CEP97: variants seen among roughly 807,000 people sequenced by gnomAD.
CEP97 encodes centrosomal protein of 97 kDa.
Under a neutral mutation model 73.1 loss-of-function variants are expected in CEP97, and 43 were observed. The observed-to-expected ratio is 0.59, with a 90% CI of 0.46 to 0.76. CEP97 has a LOEUF of 0.76. Ranked by LOEUF, CEP97 falls within the 30% of genes least tolerant of loss-of-function variation. The pLI is 0.00. For missense variants in CEP97, 939 were observed against 1,014.0 expected, an observed-to-expected ratio of 0.93 and a Z score of 1.00; for synonymous variants, 337 against 370.0, an observed-to-expected ratio of 0.91 and a Z score of 1.02.
At chr3:101,749,340 C>T (rs1198488204) in intron 6 of CEP97, among the ~76,000 whole-genome samples, 28 of 149,144 alleles carry the variant, frequency 1.9e-4, no homozygotes, top group African/African-American at 6.7e-4. Context: ...TTTTTTATGG[C>T]TGCATAGTAT....
chr3:101,742,059 AAAAC>A (rs1322609984), intron 6 of CEP97, among the ~76,000 whole-genome samples: 2 of 151,664 alleles, frequency 1.3e-5, no homozygotes, highest in East Asian at 3.9e-4. Flanking sequence ...AAAAAACAAA[AAAAC>A]AAAAAAACAA....
chr3:101,743,397 T>C (rs2466373), intron 6 of CEP97, among the ~76,000 whole-genome samples: 1 of 151,544 alleles, frequency 6.6e-6, no homozygotes, highest in South Asian at 2.1e-4. Context: ...CTAGAAAAAA[T>C]ATATATATAT....
intron 7 of CEP97, 46 bp from the exon 8 acceptor site, chr3:101,757,012 CTTTCT>C: frequency 6.7e-7 from 1 of 1,493,416 alleles, no homozygotes; most frequent in South Asian, 1.4e-5. Context: ...AGCAGAAAAT[CTTTCT>C]TTTTTTGGTT....
chr3:101,764,420 T>A (rs893505937), intron 10 of CEP97, among the ~76,000 whole-genome samples: 1 of 152,148 alleles, frequency 6.6e-6, no homozygotes, highest in Admixed American at 6.5e-5. Flanking sequence ...GAGACCAGCC[T>A]GACCAACATG....
At chr3:101,760,372 T>A (rs1939138291) in intron 9 of CEP97, among the ~76,000 whole-genome samples, 1 of 152,010 alleles carries the variant, frequency 6.6e-6, no homozygotes, top group Non-Finnish European at 1.5e-5. Flanking sequence ...AAACAATAGG[T>A]CAGGTTGTAT....
intron 6 of CEP97, among the ~76,000 whole-genome samples, 181 bp from the exon 7 acceptor site, chr3:101,755,249 T>A (rs576493503): frequency 2.0e-5 from 3 of 152,306 alleles, no homozygotes; most frequent in African/African-American, 7.2e-5. Context: ...TTTGAAACAT[T>A]ATTAGAATGG....
chr3:101,764,590 A>G (rs1168259557), intron 10 of CEP97, among the ~76,000 whole-genome samples: 4 of 150,162 alleles, frequency 2.7e-5, no homozygotes, highest in African/African-American at 7.3e-5. Context: ...CAGCCTGGGT[A>G]ACAAGAGCGA....
chr3:101,764,788 C>G (rs1939264899), intron 10 of CEP97, 59 bp from the exon 11 acceptor site: 3 of 1,466,930 alleles, frequency 2.0e-6, no homozygotes, highest in Non-Finnish European at 2.7e-6. Flanking sequence ...GTCTCAAAAA[C>G]AAACAAACAA....
intron 6 of CEP97, among the ~76,000 whole-genome samples, chr3:101,739,257 A>G (rs913361236): frequency 6.6e-6 from 1 of 152,236 alleles, no homozygotes; most frequent in Admixed American, 6.5e-5. Context: ...AGGAGCTGGT[A>G]CTATTCCTTC....
Position 101,757,145 on chromosome 3 carries a change from A to G in CEP97, c.976A>G (p.Ile326Val). ...LVPVETRASL[I>V]PEHSSPVQDC... ...TCCTGTTGAAACAAGGGCATCCCTTATTCCTGAGCATTCAAGCCCTGTTCA... is the reference window on the plus strand; with the variant it reads ...TCCTGTTGAAACAAGGGCATCCCTTGTTCCTGAGCATTCAAGCCCTGTTCA... Residue 326 changes from isoleucine to valine, a missense_variant, in exon 8 of 11, where the codon ATT (isoleucine) becomes GTT (valine). Coordinates refer to ENST00000341893, the MANE Select transcript of CEP97 (RefSeq NM_024548.4). The G allele has an allele frequency of 6.2e-7, 1 of 1,613,336 alleles. No homozygotes were observed. Among genetic ancestry groups the G allele is most frequent in the Non-Finnish European group, 8.5e-7 (1 of 1,179,804 alleles).
chr3:101,770,294 A>G lies in CEP97; in HGVS notation c.*4743A>G, dbSNP rs1939428082. The G allele has an allele frequency of 6.6e-6, 1 of 152,240 alleles. No individual in the cohort carries two copies. 9.4% of individuals were successfully genotyped at this position (152,240 alleles called of 1,614,324 possible). A position where few individuals can be genotyped will look rare whatever the true frequency, so the allele number is the denominator to read the frequency against. On this transcript the variant is annotated 3_prime_UTR_variant, in exon 11 of 11. Transcript: ENST00000341893. Reference sequence around the variant, plus strand: ...CAGTTTGGCCTCCCAAAGTGCTGGGATTACAGGCGTGAGCCACTACACCTG... The same window carrying G: ...CAGTTTGGCCTCCCAAAGTGCTGGGGTTACAGGCGTGAGCCACTACACCTG...
intron 4 of CEP97, among the ~76,000 whole-genome samples, chr3:101,729,778 T>C (rs1177382097): frequency 7.0e-6 from 1 of 142,836 alleles, no homozygotes; most frequent in Non-Finnish European, 1.6e-5. Context: ...TTTTCTTTTC[T>C]TTTTTTTTTT....
chr3:101,758,439 T>A lies in CEP97; in HGVS notation c.1817+16T>A. ...AAATAAGGAGGTGGGTCAGAAGTCC[T>A]TTTGATGCACTGTTTTGTTGGTTTG... On this transcript the variant is annotated intron_variant, in intron 9 of 10. Transcript: ENST00000341893. 1 of 1,612,774 alleles carries A rather than the reference T, an allele frequency of 6.2e-7. No individual in the cohort carries two copies. The highest frequency in any genetic ancestry group is 2.2e-5 in the East Asian group (1 of 44,886).
At chr3:101,755,219 C>T (rs1161845417) in intron 6 of CEP97, among the ~76,000 whole-genome samples, 1 of 152,002 alleles carries the variant, frequency 6.6e-6, no homozygotes, top group Non-Finnish European at 1.5e-5. Context: ...AATGGAAGTG[C>T]CCCTAAGCAA....
chr3:101,753,765 T>A (rs1938918436), intron 6 of CEP97, among the ~76,000 whole-genome samples: 1 of 152,166 alleles, frequency 6.6e-6, no homozygotes, highest in African/African-American at 2.4e-5. Context: ...AAAAGCGCAG[T>A]ATTAGGGTGG....
At chr3:101,732,071 A>G in intron 5 of CEP97, 118 bp downstream of exon 5, 2 of 674,554 alleles carry the variant, frequency 3.0e-6, no homozygotes, top group Non-Finnish European at 5.3e-6. Context: ...TGCCATTCAT[A>G]TGAAATGCTT....
chr3:101,742,847 C>CA (rs1576685059), intron 6 of CEP97, among the ~76,000 whole-genome samples: 1 of 150,876 alleles, frequency 6.6e-6, no homozygotes, highest in East Asian at 1.9e-4. Context: ...GACTCCATCT[C>CA]AAAAAAATAA....
At chr3:101,755,659 T>C (rs1437274118) in intron 7 of CEP97, 65 bp downstream of exon 7, 1 of 1,526,070 alleles carries the variant, frequency 6.6e-7, no homozygotes, top group East Asian at 2.2e-5. Flanking sequence ...GTCTTTGCTA[T>C]GGTGATAGTA....
chr3:101,735,201 A>T (rs1938234851), intron 6 of CEP97, among the ~76,000 whole-genome samples: 1 of 152,266 alleles, frequency 6.6e-6, no homozygotes, highest in African/African-American at 2.4e-5. Flanking sequence ...ATGATAAAAA[A>T]GTCTGTGTTT....
Sources: gnomAD v4.1 joint callset for allele counts (sites outside exome capture counted in the v4.1 genomes callset) on GRCh38, gnomAD v4.1.1 for gene constraint, MANE v1.5 for transcripts, NCBI Gene and HGNC (gene_info 2026-07-23, HGNC 2026-07-21) for gene names.